Variants in ACOXL observed in about 807,000 individuals in gnomAD.
ACOXL encodes acyl-CoA oxidase like, also known as acyl-coenzyme A oxidase-like protein.
ACOXL carries 70 observed loss-of-function variants against 71.9 expected under a neutral mutation model. That is an observed-to-expected ratio of 0.97 (90% CI 0.80 to 1.19). The LOEUF (loss-of-function observed/expected upper bound fraction) is 1.19. Among genes scored for constraint, ACOXL ranks in the 50% most tolerant of loss-of-function variants. The pLI is 0.00. For synonymous variants in ACOXL, 253 were observed against 281.6 expected (o/e 0.90, Z 1.02); for missense variants, 703 against 736.3 (o/e 0.95, Z 0.52).
At chr2:110,761,670 G>A (rs1334436198) in intron 1 of ACOXL, among the ~76,000 whole-genome samples, 1 of 152,174 alleles carries the variant, frequency 6.6e-6, no homozygotes. Flanking sequence ...GTTGCTGATG[G>A]TTTGCTTCCC....
intron 15 of ACOXL, among the ~76,000 whole-genome samples, chr2:111,042,257 G>A (rs538013818): frequency 6.6e-6 from 1 of 152,370 alleles, no homozygotes; most frequent in African/African-American, 2.4e-5. Context: ...TATTTGCTTA[G>A]AAGGTTTTCA....
At chr2:111,086,869 G>T (rs371777960) in intron 16 of ACOXL, among the ~76,000 whole-genome samples, 1 of 152,130 alleles carries the variant, frequency 6.6e-6, no homozygotes, top group East Asian at 1.9e-4. Flanking sequence ...AACTATTCCT[G>T]TTTGCAGACA....
intron 1 of ACOXL, among the ~76,000 whole-genome samples, chr2:110,759,733 A>G (rs1466648759): frequency 1.3e-5 from 2 of 152,310 alleles, no homozygotes; most frequent in African/African-American, 2.4e-5. Flanking sequence ...GAATTTTAAA[A>G]TCACTTGTTG....
intron 11 of ACOXL, among the ~76,000 whole-genome samples, chr2:110,910,940 T>C (rs953051059): frequency 2.6e-5 from 4 of 152,222 alleles, no homozygotes; most frequent in African/African-American, 9.6e-5. Context: ...ATTTTAATAC[T>C]GCTTAAGTCT....
Position 110,982,484 on chromosome 2 carries a change from T to A in ACOXL, c.1060-4624T>A, listed in dbSNP as rs115003230. 5.7e-3 allele frequency among the ~76,000 whole-genome samples: 866 copies of A among 152,052 alleles called. 6 individuals carry two copies. The highest frequency in any genetic ancestry group is 8.6e-3 in the Admixed American group (131 of 15,278). On this transcript the variant is annotated intron_variant, in intron 12 of 17. Coordinates refer to ENST00000439055, the MANE Select transcript of ACOXL (RefSeq NM_001142807.4). ...CTGCCTATTTCTTCTAGCCAGGGAA[T>A]TTTTAAAGATTCTCCCCGAAGACAT...
chr2:110,945,658 T>C (rs756240705), intron 12 of ACOXL, among the ~76,000 whole-genome samples: 4 of 152,184 alleles, frequency 2.6e-5, no homozygotes, highest in African/African-American at 7.2e-5. Flanking sequence ...ATCAGAGGTG[T>C]GTGGCCTTCT....
intron 12 of ACOXL, among the ~76,000 whole-genome samples, chr2:110,944,608 G>A (rs1009357060): frequency 1.2e-4 from 19 of 152,062 alleles, no homozygotes; most frequent in Non-Finnish European, 2.2e-4. Flanking sequence ...TTGGTTTTCT[G>A]TTTCTGTGTT....
chr2:110,956,924 C>T (rs1341325604), intron 12 of ACOXL, among the ~76,000 whole-genome samples: 1 of 152,054 alleles, frequency 6.6e-6, no homozygotes, highest in East Asian at 1.9e-4. Flanking sequence ...CTAAGAGGCT[C>T]GATGTAACCC....
In ACOXL at chr2:110,824,690, C is replaced by T. The variant is rs530885153; in HGVS notation, c.754-16681C>T. ...TATTTCTTGTTTTTATCTTCCATTT[C>T]TCTGCTAAGATTCCCTATATTTTCA... On this transcript the variant is annotated intron_variant, in intron 9 of 17. Coordinates refer to ENST00000439055, the MANE Select transcript of ACOXL (RefSeq NM_001142807.4). Among the ~76,000 whole-genome samples the T allele has an allele frequency of 5.9e-4, 90 of 152,012 alleles. 1 individual carries two copies. The highest frequency in any genetic ancestry group is 2.1e-3 in the African/African-American group (89 of 41,470).
intron 12 of ACOXL, among the ~76,000 whole-genome samples, chr2:110,980,022 C>T (rs992513048): frequency 6.6e-6 from 1 of 152,202 alleles, no homozygotes; most frequent in African/African-American, 2.4e-5. Flanking sequence ...ACACAATAGG[C>T]TGCAAAGGAG....
At chr2:110,841,803 C>T (rs1691213123) in intron 10 of ACOXL, among the ~76,000 whole-genome samples, 1 of 152,068 alleles carries the variant, frequency 6.6e-6, no homozygotes, top group Admixed American at 6.5e-5. Context: ...CCATGCCAGG[C>T]CTCTCTCTCT....
intron 10 of ACOXL, among the ~76,000 whole-genome samples, chr2:110,845,810 G>A (rs1460494436): frequency 1.3e-5 from 2 of 152,104 alleles, no homozygotes; most frequent in Non-Finnish European, 2.9e-5. Context: ...TATAGGCCAC[G>A]TTCTGTTTCT....
intron 10 of ACOXL, among the ~76,000 whole-genome samples, chr2:110,854,098 T>A (rs1056097567): frequency 2.6e-5 from 4 of 152,016 alleles, no homozygotes; most frequent in African/African-American, 9.7e-5. Flanking sequence ...CCAAGGCATG[T>A]GTGTGCATGT....
At chr2:111,088,502 C>T (rs568977298) in intron 16 of ACOXL, among the ~76,000 whole-genome samples, 2 of 152,204 alleles carry the variant, frequency 1.3e-5, no homozygotes, top group African/African-American at 2.4e-5. Context: ...AGAACTGGAG[C>T]CCATTATCCT....
intron 16 of ACOXL, among the ~76,000 whole-genome samples, chr2:111,090,699 T>A (rs1022283768): frequency 4.6e-5 from 7 of 152,304 alleles, no homozygotes; most frequent in Middle Eastern, 3.4e-3. Context: ...GCCGGCCAGT[T>A]AGCAGCTTGT....
intron 16 of ACOXL, among the ~76,000 whole-genome samples, chr2:111,060,029 A>C (rs2066731006): frequency 6.6e-6 from 1 of 152,130 alleles, no homozygotes; most frequent in Non-Finnish European, 1.5e-5. Context: ...CCATGCCAGG[A>C]AAGGCCCAGT....
chr2:110,874,253 CACG>C (rs367954622), intron 10 of ACOXL, among the ~76,000 whole-genome samples: 90 of 152,298 alleles, frequency 5.9e-4, no homozygotes, highest in African/African-American at 1.9e-3. Flanking sequence ...GGAGAGTGGG[CACG>C]ACATTTGCGT....
chr2:110,801,925 C>T (rs1366810758), intron 8 of ACOXL, among the ~76,000 whole-genome samples: 1 of 152,204 alleles, frequency 6.6e-6, no homozygotes, highest in East Asian at 1.9e-4. Flanking sequence ...ATGCTGTTGT[C>T]CAGGCATAAT....
chr2:110,978,777 G>C (rs1489678447), intron 12 of ACOXL, among the ~76,000 whole-genome samples: 1 of 151,442 alleles, frequency 6.6e-6, no homozygotes, highest in East Asian at 2.0e-4. Flanking sequence ...TTTCAGAAAG[G>C]GTTTGCACGA....
Sources: gnomAD v4.1 joint callset for allele counts (sites outside exome capture counted in the v4.1 genomes callset) on GRCh38, gnomAD v4.1.1 for gene constraint, MANE v1.5 for transcripts, NCBI Gene and HGNC (gene_info 2026-07-23, HGNC 2026-07-21) for gene names.